The following PPA2 variants were observed in gnomAD, a reference collection of about 807,000 sequenced individuals.
The protein encoded by PPA2 is inorganic pyrophosphatase 2, mitochondrial.
A neutral mutation model predicts 49.5 loss-of-function variants in PPA2; 48 were observed. That is an observed-to-expected ratio of 0.97 (90% CI 0.77 to 1.23). The LOEUF (loss-of-function observed/expected upper bound fraction) is 1.23, where lower values mean the gene tolerates loss of function less well. Among genes scored for constraint, PPA2 ranks in the 50% most tolerant of loss-of-function variants. The pLI, the probability that PPA2 is intolerant of heterozygous loss-of-function variation, is 0.00. For missense variants in PPA2, 429 were observed against 410.1 expected, an observed-to-expected ratio of 1.05 and a Z score of -0.40; for synonymous variants, 131 against 139.9, an observed-to-expected ratio of 0.94 and a Z score of 0.45.
At chr4:105,434,308 G>C (rs1225147982) in intron 6 of PPA2, among the ~76,000 whole-genome samples, 1 of 152,186 alleles carries the variant, frequency 6.6e-6, no homozygotes, top group East Asian at 1.9e-4. Context: ...AAACAAAAAT[G>C]TTCAAATTTG....
Position 105,437,532 on chromosome 4 carries a change from C to T in PPA2, c.528+418G>A, listed in dbSNP as rs142764430. 4.9e-3 allele frequency among the ~76,000 whole-genome samples: 748 copies of T among 152,172 alleles called. 9 individuals carry two copies. Among genetic ancestry groups the T allele is most frequent in the African/African-American group, 0.017 (705 of 41,516 alleles). ...CTTTCATGAGAATTGAAGTTTTTAT[C>T]TAAATAATAGGCAAGGAAGGTGAAG... On this transcript the variant is annotated intron_variant, in intron 6 of 11. Coordinates refer to ENST00000341695, the MANE Select transcript of PPA2 (RefSeq NM_176869.3).
intron 6 of PPA2, among the ~76,000 whole-genome samples, chr4:105,427,534 C>G (rs900230829): frequency 6.6e-6 from 1 of 151,952 alleles, no homozygotes; most frequent in Non-Finnish European, 1.5e-5. Flanking sequence ...AACCACAGCA[C>G]GAGAACTTCG....
chr4:105,425,581 T>C (rs1723458872), intron 6 of PPA2, among the ~76,000 whole-genome samples: 1 of 152,094 alleles, frequency 6.6e-6, no homozygotes, highest in Non-Finnish European at 1.5e-5. Flanking sequence ...TGGGACAACA[T>C]TCAGCATTCT....
At chr4:105,393,522 A>G (rs1019419416) in intron 9 of PPA2, among the ~76,000 whole-genome samples, 2 of 147,356 alleles carry the variant, frequency 1.4e-5, no homozygotes, top group Non-Finnish European at 3.0e-5. Flanking sequence ...TAATAATAAT[A>G]ATAATAATAA....
At chr4:105,396,787 C>T (rs1294120780) in intron 8 of PPA2, among the ~76,000 whole-genome samples, 2 of 152,152 alleles carry the variant, frequency 1.3e-5, no homozygotes, top group African/African-American at 4.8e-5. Context: ...AACCCCTGAT[C>T]CAAGTCACAG....
In PPA2 at chr4:105,376,249, C is replaced by G. The variant is rs993637081; in HGVS notation, c.940-5376G>C. ...CTGGGATTCACTTTATGGCCTTGGC[C>G]TCCTGAATGCACTGCTTTTTACAAT... On this transcript the variant is annotated intron_variant, in intron 10 of 11. Transcript: ENST00000341695. Among the ~76,000 whole-genome samples the G allele has an allele frequency of 7.2e-5, 11 of 152,320 alleles. No individual in the cohort carries two copies. The East Asian group carries it at 1.9e-3, about 27-fold the overall frequency.
At chr4:105,413,411 A>T (rs2110254252) in intron 7 of PPA2, among the ~76,000 whole-genome samples, 1 of 152,344 alleles carries the variant, frequency 6.6e-6, no homozygotes, top group East Asian at 1.9e-4. Context: ...TGGCACATGT[A>T]TACCTATGTA....
At chr4:105,429,225 A>C (rs889115733) in intron 6 of PPA2, among the ~76,000 whole-genome samples, 1 of 152,206 alleles carries the variant, frequency 6.6e-6, no homozygotes, top group African/African-American at 2.4e-5. Flanking sequence ...CTAGAAGTGC[A>C]TTATTTTATT....
intron 4 of PPA2, 41 bp downstream of exon 4, chr4:105,449,309 T>A: frequency 7.8e-7 from 1 of 1,279,870 alleles, no homozygotes; most frequent in Non-Finnish European, 1.1e-6. Flanking sequence ...TTTATATCAT[T>A]ATAATCATTT....
chr4:105,421,020 G>A (rs1298709644), intron 7 of PPA2, among the ~76,000 whole-genome samples: 1 of 152,170 alleles, frequency 6.6e-6, no homozygotes, highest in Non-Finnish European at 1.5e-5. Flanking sequence ...AATTGATAGT[G>A]TAGCTGAGAG....
chr4:105,459,940 T>C (rs997449796), intron 1 of PPA2, among the ~76,000 whole-genome samples: 1 of 152,176 alleles, frequency 6.6e-6, no homozygotes. Flanking sequence ...CCACAAAAAA[T>C]TTTTTGGGGA....
Position 105,419,663 on chromosome 4 carries a change from G to GT in PPA2, c.655+4532dup, listed in dbSNP as rs1194333644. Among the ~76,000 whole-genome samples, 4 of 152,242 alleles carry GT rather than the reference G, an allele frequency of 2.6e-5. No homozygotes were observed. The East Asian group carries it at 7.7e-4, about 29-fold the overall frequency. On this transcript the variant is annotated intron_variant, in intron 7 of 11. Coordinates refer to ENST00000341695, the MANE Select transcript of PPA2 (RefSeq NM_176869.3). ...AGTTCAGTCATCATAGGTAAAAACTGTAAGTATTAAAACAGGGATATATAG... is the reference window on the plus strand; with the variant it reads ...AGTTCAGTCATCATAGGTAAAAACTGTTAAGTATTAAAACAGGGATATATAG...
intron 10 of PPA2, among the ~76,000 whole-genome samples, chr4:105,377,946 C>T (rs2110364055): frequency 6.6e-6 from 1 of 152,106 alleles, no homozygotes; most frequent in South Asian, 2.1e-4. Context: ...TACTGATGAA[C>T]ATTTGGGTTG....
At chr4:105,410,474 A>G (rs1291766613) in intron 7 of PPA2, among the ~76,000 whole-genome samples, 2 of 152,236 alleles carry the variant, frequency 1.3e-5, no homozygotes, top group South Asian at 2.1e-4. Context: ...AATGGAACCA[A>G]ATTAGAAAAC....
intron 7 of PPA2, among the ~76,000 whole-genome samples, chr4:105,408,280 A>C (rs763107601): frequency 6.6e-6 from 1 of 152,188 alleles, no homozygotes; most frequent in Non-Finnish European, 1.5e-5. Context: ...TATATATAAG[A>C]AAGGGTGAAA....
chr4:105,372,346 G>A (rs866315856), intron 10 of PPA2, among the ~76,000 whole-genome samples: 1 of 152,184 alleles, frequency 6.6e-6, no homozygotes, highest in Admixed American at 6.5e-5. Context: ...CCAAAAAGCA[G>A]GATCTGAGGA....
chr4:105,460,821 T>C (rs1294631425), intron 1 of PPA2, among the ~76,000 whole-genome samples: 1 of 145,042 alleles, frequency 6.9e-6, no homozygotes, highest in Non-Finnish European at 1.5e-5. Flanking sequence ...TCTTGTTAAC[T>C]GTGGACAAGC....
intron 6 of PPA2, among the ~76,000 whole-genome samples, chr4:105,430,494 A>G (rs1126066): frequency 0.18 from 28,139 of 152,180 alleles, 3,032 homozygotes; most frequent in African/African-American, 0.29. Context: ...TGACTTAGAC[A>G]CCCCAGGGCC....
chr4:105,401,183 T>C (rs765399454), intron 7 of PPA2, among the ~76,000 whole-genome samples: 2 of 152,140 alleles, frequency 1.3e-5, no homozygotes, highest in Non-Finnish European at 2.9e-5. Flanking sequence ...CTTAAACTTG[T>C]TCCTCACGAA....
Sources: gnomAD v4.1 joint callset for allele counts (sites outside exome capture counted in the v4.1 genomes callset) on GRCh38, gnomAD v4.1.1 for gene constraint, MANE v1.5 for transcripts, NCBI Gene and HGNC (gene_info 2026-07-23, HGNC 2026-07-21) for gene names.